The following MAST4 variants were observed in gnomAD, a reference collection of about 807,000 sequenced individuals.
MAST4 encodes the protein microtubule associated serine/threonine kinase family member 4.
MAST4 carries 89 observed loss-of-function variants against 162.7 expected under a neutral mutation model. The observed-to-expected ratio is 0.55, with a 90% CI of 0.46 to 0.65. The LOEUF (loss-of-function observed/expected upper bound fraction) is 0.65, where lower values mean the gene tolerates loss of function less well. MAST4 is among the 30% of genes least tolerant of loss of function. MAST4 has a pLI of 0.00. For missense variants in MAST4, 3,153 were observed against 3,374.0 expected, an observed-to-expected ratio of 0.93 and a Z score of 1.62; for synonymous variants, 1,479 against 1,361.1, an observed-to-expected ratio of 1.09 and a Z score of -1.91.
chr5:66,994,330 G>A (rs187329556), intron 4 of MAST4, among the ~76,000 whole-genome samples: 129 of 152,088 alleles, frequency 8.5e-4, no homozygotes, highest in African/African-American at 2.9e-3. Flanking sequence ...AATGGGATTT[G>A]CTTTTCTTTT....
chr5:66,907,158 C>CGA (rs34963439), intron 4 of MAST4, among the ~76,000 whole-genome samples: 1,196 of 104,314 alleles, frequency 0.011, 52 homozygotes, highest in Admixed American at 0.015. Flanking sequence ...CTCAGCAAAG[C>CGA]GAGAGAGAGA....
intron 1 of MAST4, among the ~76,000 whole-genome samples, chr5:66,651,596 C>CT (rs2149448491): frequency 6.6e-6 from 1 of 152,106 alleles, no homozygotes; most frequent in East Asian, 1.9e-4. Flanking sequence ...AGATAGATTA[C>CT]TTTATTGCTG....
At position 66,995,775 on chromosome 5, in the gene MAST4, C is replaced by G. The variant is rs1047853720; in HGVS notation, c.675-58629C>G. ...TGTGTAATCCCAACACTTTGGGAGG[C>G]TGAGACAGGAGGATCACATGAGCCC... is the stretch of plus-strand genomic sequence containing the variant. On this transcript the variant is annotated intron_variant, in intron 4 of 28. Coordinates refer to ENST00000403625, the MANE Select transcript of MAST4 (RefSeq NM_001164664.2). Among the ~76,000 whole-genome samples the G allele has an allele frequency of 3.3e-5, 5 of 151,964 alleles. No individual in the cohort carries two copies. In the East Asian group the frequency reaches 9.7e-4, roughly 29 times the overall value.
chr5:67,151,767 C>CTTTTTTTTTTTT (rs1163541260), intron 24 of MAST4, among the ~76,000 whole-genome samples: 44 of 115,642 alleles, frequency 3.8e-4, no homozygotes, highest in Non-Finnish European at 6.3e-4. Context: ...TTCTTTTTTT[C>CTTTTTTTTTTTT]TTTTTTTTTT....
intron 1 of MAST4, among the ~76,000 whole-genome samples, chr5:66,715,722 G>T (rs1179710454): frequency 8.4e-6 from 1 of 119,756 alleles, no homozygotes; most frequent in African/African-American, 3.9e-5. Flanking sequence ...ACTGGTTCAG[G>T]CCATGACAGG....
chr5:66,810,616 A>G (rs1256539007), intron 3 of MAST4, among the ~76,000 whole-genome samples: 1 of 152,210 alleles, frequency 6.6e-6, no homozygotes, highest in Non-Finnish European at 1.5e-5. Flanking sequence ...AAAAGCATGA[A>G]TAGGAGTGCC....
At chr5:66,979,328 C>G (rs1484836884) in intron 4 of MAST4, among the ~76,000 whole-genome samples, 1 of 152,066 alleles carries the variant, frequency 6.6e-6, no homozygotes, top group African/African-American at 2.4e-5. Context: ...GGGGCAGATG[C>G]TCGGCAAAAT....
At chr5:67,085,700 A>G (rs917361191) in intron 5 of MAST4, among the ~76,000 whole-genome samples, 7 of 152,204 alleles carry the variant, frequency 4.6e-5, no homozygotes, top group Non-Finnish European at 8.8e-5. Flanking sequence ...CTGACGGCCA[A>G]TCAAGGTTTT....
At chr5:66,801,210 T>C (rs1016909895) in intron 3 of MAST4, among the ~76,000 whole-genome samples, 5 of 152,148 alleles carry the variant, frequency 3.3e-5, no homozygotes, top group Non-Finnish European at 7.4e-5. Context: ...CCTGTGTATC[T>C]CCACTAGGAA....
intron 1 of MAST4, among the ~76,000 whole-genome samples, chr5:66,684,329 A>G (rs2149488122): frequency 6.6e-6 from 1 of 150,794 alleles, no homozygotes; most frequent in East Asian, 2.0e-4. Flanking sequence ...TGTTGGAGGG[A>G]AAATGTAGTG....
chr5:67,016,959 T>G (rs987853672), intron 4 of MAST4, among the ~76,000 whole-genome samples: 3 of 152,192 alleles, frequency 2.0e-5, no homozygotes, highest in Non-Finnish European at 2.9e-5. Context: ...GTTGGGAGAT[T>G]TTAGAGATGA....
At chr5:66,860,395 G>A (rs1384447563) in intron 3 of MAST4, among the ~76,000 whole-genome samples, 1 of 152,096 alleles carries the variant, frequency 6.6e-6, no homozygotes, top group Non-Finnish European at 1.5e-5. Flanking sequence ...AATAAAAAAT[G>A]CTATCCTGGC....
Position 66,662,351 on chromosome 5 carries a change from A to G in MAST4, c.363+65333A>G, listed in dbSNP as rs554785237. 3 of 152,296 alleles carry G rather than the reference A, an allele frequency of 2.0e-5. No homozygotes were observed. In the South Asian group the frequency reaches 6.2e-4, roughly 32 times the overall value. 9.4% of individuals were successfully genotyped at this position (152,296 alleles called of 1,614,324 possible). ...ATTAAGTTACAGTCTTCCATTTCAG[A>G]GAGGCAATCAAAAGTTGTGAGAGAA... On this transcript the variant is annotated intron_variant, in intron 1 of 28. Coordinates refer to ENST00000403625, the MANE Select transcript of MAST4 (RefSeq NM_001164664.2).
intron 2 of MAST4, among the ~76,000 whole-genome samples, 179 bp from the exon 3 acceptor site, chr5:66,788,491 G>GATC (rs1470366918): frequency 2.0e-5 from 3 of 152,170 alleles, no homozygotes; most frequent in Non-Finnish European, 4.4e-5. Context: ...CCTGCCACTG[G>GATC]ATCTCCTGAC....
chr5:67,119,336 C>T (rs1196148936), intron 13 of MAST4, among the ~76,000 whole-genome samples: 1 of 152,048 alleles, frequency 6.6e-6, no homozygotes, highest in Non-Finnish European at 1.5e-5. Context: ...TTCAGAGGCT[C>T]CTGCCGTGGC....
rs574069063 is a variant in MAST4 at position 67,158,599 on chromosome 5, TAAAG to T, written c.3649-1854_3649-1851del. 5.3e-3 allele frequency among the ~76,000 whole-genome samples: 809 copies of T among 151,986 alleles called. 7 individuals are homozygous for T. Among genetic ancestry groups the T allele is most frequent in the African/African-American group, 0.019 (773 of 41,448 alleles). ...AAAATTTTTTTTAATTAAAAAAAATTAAAGAACTCTAAAACTAATAATAAAATAC... is the reference window on the plus strand; with the variant it reads ...AAAATTTTTTTTAATTAAAAAAAATTAACTCTAAAACTAATAATAAAATAC... On this transcript the variant is annotated intron_variant, in intron 26 of 28. Transcript: ENST00000403625.
chr5:66,755,041 G>A (rs1413981751), intron 1 of MAST4, among the ~76,000 whole-genome samples: 2 of 152,172 alleles, frequency 1.3e-5, no homozygotes, highest in Admixed American at 1.3e-4. Context: ...TCCAGCTGTG[G>A]AATTGGAGCA....
At chr5:67,062,583 T>C (rs1438715556) in intron 5 of MAST4, among the ~76,000 whole-genome samples, 1 of 152,216 alleles carries the variant, frequency 6.6e-6, no homozygotes, top group East Asian at 1.9e-4. Flanking sequence ...AATGACCTCC[T>C]TTAGCTGCAT....
intron 2 of MAST4, among the ~76,000 whole-genome samples, chr5:66,763,850 A>T (rs1238211984): frequency 6.6e-6 from 1 of 152,140 alleles, no homozygotes; most frequent in East Asian, 1.9e-4. Context: ...GTTTATCTGG[A>T]TGTAACCCCA....
Sources: allele counts gnomAD v4.1 joint callset (sites outside exome capture counted in the v4.1 genomes callset), GRCh38; gene constraint gnomAD v4.1.1; transcripts MANE v1.5; gene names NCBI Gene and HGNC (gene_info 2026-07-23, HGNC 2026-07-21).